Variants in COPG2 observed in about 807,000 individuals in gnomAD.
COPG2 encodes coatomer subunit gamma-2.
COPG2 carries 37 observed loss-of-function variants against 46.3 expected under a neutral mutation model. The ratio of observed to expected loss-of-function variants is 0.80; its 90% CI spans 0.61 to 1.05. The LOEUF is 1.05. Among genes scored for constraint, COPG2 ranks in the 50% least tolerant of loss-of-function variants. The pLI is 0.00. For synonymous variants in COPG2, 159 were observed against 129.7 expected, an observed-to-expected ratio of 1.23 and a Z score of -1.53; for missense variants, 427 against 387.8, an observed-to-expected ratio of 1.10 and a Z score of -0.85.
intron 9 of COPG2, among the ~76,000 whole-genome samples, chr7:130,592,280 C>G (rs1374625727): frequency 6.6e-6 from 1 of 152,010 alleles, no homozygotes; most frequent in Non-Finnish European, 1.5e-5. Flanking sequence ...GCCACAGGGT[C>G]CTCTGCCTAG....
At chr7:130,586,499 G>C (rs1794272490) in intron 9 of COPG2, among the ~76,000 whole-genome samples, 1 of 152,002 alleles carries the variant, frequency 6.6e-6, no homozygotes, top group South Asian at 2.1e-4. Flanking sequence ...GTCTCGCTGT[G>C]TTGCCCAGGC....
intron 4 of COPG2, among the ~76,000 whole-genome samples, chr7:130,662,598 C>T (rs1390441229): frequency 6.6e-6 from 1 of 152,192 alleles, no homozygotes; most frequent in Non-Finnish European, 1.5e-5. Flanking sequence ...ACATCCAGCT[C>T]TTCTTCTCAA....
At chr7:130,610,064 C>A (rs781825918) in intron 9 of COPG2, 2 of 518,884 alleles carry the variant, frequency 3.9e-6, no homozygotes, top group Non-Finnish European at 7.7e-6. Context: ...TGTAAGTCAG[C>A]TTCTACTGAC....
At chr7:130,606,477 A>C (rs1352664805) in intron 9 of COPG2, among the ~76,000 whole-genome samples, 1 of 152,324 alleles carries the variant, frequency 6.6e-6, no homozygotes, top group Admixed American at 6.5e-5. Context: ...AGTAAAAAAC[A>C]CATTAATGTA....
intron 5 of COPG2, among the ~76,000 whole-genome samples, chr7:130,625,174 G>A (rs1795096609): frequency 1.3e-5 from 2 of 152,200 alleles, no homozygotes; most frequent in African/African-American, 4.8e-5. Flanking sequence ...GTGATGTTGG[G>A]CATTTTTTCA....
At chr7:130,559,077 T>C (rs1793676641) in intron 12 of COPG2, among the ~76,000 whole-genome samples, 1 of 152,106 alleles carries the variant, frequency 6.6e-6, no homozygotes, top group South Asian at 2.1e-4. Flanking sequence ...AATAACACTT[T>C]TGCATGTCCA....
At chr7:130,560,781 C>A (rs1011752914) in intron 12 of COPG2, among the ~76,000 whole-genome samples, 76 of 152,154 alleles carry the variant, frequency 5.0e-4, no homozygotes, top group African/African-American at 1.8e-3. Flanking sequence ...ACTGAACTTA[C>A]CAAACAAACA....
At chr7:130,544,107 T>A (rs1793390349) in intron 20 of COPG2, among the ~76,000 whole-genome samples, 1 of 152,224 alleles carries the variant, frequency 6.6e-6, no homozygotes, top group African/African-American at 2.4e-5. Context: ...CTTTTTTTAG[T>A]ATTTGAGTTA....
intron 5 of COPG2, among the ~76,000 whole-genome samples, chr7:130,646,981 A>ATATATATATGTG (rs1563070174): frequency 4.4e-3 from 4 of 900 alleles, no homozygotes; most frequent in African/African-American, 6.0e-3. Flanking sequence ...GTATATATAT[A>ATATATATATGTG]TGTATATATA....
intron 5 of COPG2, among the ~76,000 whole-genome samples, chr7:130,631,961 T>C (rs577654779): frequency 6.6e-6 from 1 of 152,340 alleles, no homozygotes; most frequent in Admixed American, 6.5e-5. Flanking sequence ...GAAATTGCCT[T>C]TTTATCACCT....
intron 8 of COPG2, among the ~76,000 whole-genome samples, chr7:130,611,804 T>C (rs1794854466): frequency 6.6e-6 from 1 of 152,238 alleles, no homozygotes; most frequent in Admixed American, 6.5e-5. Flanking sequence ...CTGCTCCGTA[T>C]GATTTTTATA....
chr7:130,648,872 C>T (rs1406621651), intron 5 of COPG2, among the ~76,000 whole-genome samples: 8 of 152,270 alleles, frequency 5.3e-5, no homozygotes, highest in Admixed American at 3.9e-4. Context: ...GAATTTGGGG[C>T]TCTGATAGCC....
chr7:130,597,317 T>C (rs1347515897), intron 9 of COPG2, among the ~76,000 whole-genome samples: 3 of 152,234 alleles, frequency 2.0e-5, no homozygotes, highest in Non-Finnish European at 4.4e-5. Flanking sequence ...TGTATCTTTT[T>C]CGATGTCTGA....
chr7:130,662,914 G>A, intron 4 of COPG2, 53 bp downstream of exon 4: 4 of 1,086,660 alleles, frequency 3.7e-6, no homozygotes, highest in Non-Finnish European at 4.1e-6. Context: ...GTTCCCTGGG[G>A]AAAATAAATA....
Position 130,506,709 on chromosome 7 carries a change from T to C in COPG2, c.2583A>G (p.Thr861=), listed in dbSNP as rs781999460. The change falls in exon 24 of 24, where the codon ACA becomes ACG. Residue 861 remains threonine (T), a synonymous_variant. Coordinates refer to ENST00000425248, the MANE Select transcript of COPG2 (RefSeq NM_012133.6). ...MQVTVRSKER[T]PVDVILASVG ...CAGAAGCTAAGATAACATCTACAGG[T>C]GTTCTCTCTTTACTTCTGACAGTCA... 1 of 780,440 alleles carries C rather than the reference T, an allele frequency of 1.3e-6. No individual in the cohort carries two copies. The highest frequency in any genetic ancestry group is 2.4e-5 in the East Asian group (1 of 41,234). 48.3% of individuals were successfully genotyped at this position (780,440 alleles called of 1,614,324 possible).
chr7:130,582,786 A>C (rs1794178802), intron 9 of COPG2, among the ~76,000 whole-genome samples: 1 of 151,464 alleles, frequency 6.6e-6, no homozygotes, highest in Non-Finnish European at 1.5e-5. Context: ...TGCAAATCAA[A>C]ACCACAATGA....
intron 20 of COPG2, among the ~76,000 whole-genome samples, chr7:130,531,428 G>A (rs1195686050): frequency 6.6e-6 from 1 of 151,956 alleles, no homozygotes; most frequent in Non-Finnish European, 1.5e-5. Flanking sequence ...TTAGAGGGGG[G>A]CACCTTACCA....
At chr7:130,658,617 T>C (rs1319570419) in intron 4 of COPG2, among the ~76,000 whole-genome samples, 3 of 151,622 alleles carry the variant, frequency 2.0e-5, no homozygotes, top group Non-Finnish European at 2.9e-5. Flanking sequence ...TTACAAAACA[T>C]CTGTCTGATA....
intron 11 of COPG2, 28 bp downstream of exon 11, chr7:130,563,239 TAA>T (rs1793745006): frequency 2.5e-6 from 1 of 397,836 alleles, no homozygotes; most frequent in South Asian, 1.3e-4. Context: ...AATACTGATA[TAA>T]GTCAATAATT....
Sources: gnomAD v4.1 joint callset for allele counts (sites outside exome capture counted in the v4.1 genomes callset) on GRCh38, gnomAD v4.1.1 for gene constraint, MANE v1.5 for transcripts, NCBI Gene and HGNC (gene_info 2026-07-23, HGNC 2026-07-21) for gene names.